UBE2R2: variants seen among roughly 807,000 people sequenced by gnomAD.
UBE2R2 encodes the protein ubiquitin conjugating enzyme E2 R2.
Under a neutral mutation model 27.8 loss-of-function variants are expected in UBE2R2, and 1 was observed. The observed-to-expected ratio is 0.04, with a 90% CI of 0.01 to 0.17. The LOEUF (loss-of-function observed/expected upper bound fraction) is 0.17. UBE2R2 is among the 10% of genes least tolerant of loss of function. The probability of loss-of-function intolerance (pLI) is 1.00; values close to 1 mark genes in which losing one functional copy is unlikely to be tolerated. For synonymous variants in UBE2R2, 106 were observed against 113.3 expected (o/e 0.94, Z 0.41); for missense variants, 100 against 291.0 (o/e 0.34, Z 4.78).
chr9:33,885,978 G>T (rs1223630728), intron 1 of UBE2R2, among the ~76,000 whole-genome samples: 2 of 152,106 alleles, frequency 1.3e-5, no homozygotes, highest in Non-Finnish European at 2.9e-5. Flanking sequence ...GGTTCATGTA[G>T]GTATACATTT....
intron 1 of UBE2R2, among the ~76,000 whole-genome samples, chr9:33,879,471 T>C (rs370888067): frequency 6.6e-6 from 1 of 152,310 alleles, no homozygotes; most frequent in South Asian, 2.1e-4. Context: ...GACTTTTTTC[T>C]GAGACAGGGT....
Position 33,859,799 on chromosome 9 carries a change from T to TGTGTGTGAGA in UBE2R2, c.178-27081_178-27080insTGTGTGAGAG, listed in dbSNP as rs766779268. Reference sequence around the variant, plus strand: ...GTGTGTGTGTGTGTGTGTGTGTGTGTGAGAGAGAGAGAGAGAGAGAGAGAC... The same window carrying TGTGTGTGAGA: ...GTGTGTGTGTGTGTGTGTGTGTGTGTGTGTGTGAGAGAGAGAGAGAGAGAGAGAGAGAGAC... On this transcript the variant is annotated intron_variant, in intron 1 of 4. Transcript: ENST00000263228. Among the ~76,000 whole-genome samples the TGTGTGTGAGA allele has an allele frequency of 4.5e-3, 393 of 86,550 alleles. 1 individual carries two copies. Among genetic ancestry groups the TGTGTGTGAGA allele is most frequent in the Non-Finnish European group, 7.6e-3 (318 of 41,690 alleles). The allele number at this position is 86,550 out of a possible 152,430, so 56.8% of individuals were successfully genotyped here. A position where few individuals can be genotyped will look rare whatever the true frequency, so the allele number is the denominator to read the frequency against.
At chr9:33,831,959 C>A (rs927649796) in intron 1 of UBE2R2, among the ~76,000 whole-genome samples, 1 of 151,940 alleles carries the variant, frequency 6.6e-6, no homozygotes, top group Admixed American at 6.6e-5. Context: ...CCGCGCCCGA[C>A]CTGTGACCCA....
chr9:33,905,537 T>C (rs1486451733), intron 3 of UBE2R2, among the ~76,000 whole-genome samples: 2 of 152,236 alleles, frequency 1.3e-5, no homozygotes, highest in African/African-American at 4.8e-5. Context: ...GTTGTATTCC[T>C]ACCTTGCATT....
At chr9:33,836,206 A>G (rs976956646) in intron 1 of UBE2R2, among the ~76,000 whole-genome samples, 7 of 152,120 alleles carry the variant, frequency 4.6e-5, no homozygotes, top group African/African-American at 1.7e-4. Flanking sequence ...CTCACCTACA[A>G]TATTCAGTAT....
At chr9:33,884,798 A>G (rs1027905114) in intron 1 of UBE2R2, among the ~76,000 whole-genome samples, 1 of 151,526 alleles carries the variant, frequency 6.6e-6, no homozygotes, top group South Asian at 2.1e-4. Flanking sequence ...TATGGACCAT[A>G]CTTTGTTCAT....
chr9:33,909,853 GA>G (rs1822445687), intron 3 of UBE2R2, among the ~76,000 whole-genome samples: 1 of 152,292 alleles, frequency 6.6e-6, no homozygotes, highest in East Asian at 1.9e-4. Context: ...TGTTTTCTTT[GA>G]AAATGCCTTT....
intron 1 of UBE2R2, among the ~76,000 whole-genome samples, chr9:33,843,943 A>G (rs1005646814): frequency 7.9e-5 from 12 of 152,194 alleles, no homozygotes; most frequent in Admixed American, 2.0e-4. Flanking sequence ...AAATCTATTA[A>G]GAGGTATTAT....
chr9:33,902,679 A>G (rs1343857092), intron 3 of UBE2R2, among the ~76,000 whole-genome samples: 1 of 152,208 alleles, frequency 6.6e-6, no homozygotes, highest in Non-Finnish European at 1.5e-5. Flanking sequence ...AATTGTTTTG[A>G]GCTGTTTTTG....
intron 3 of UBE2R2, among the ~76,000 whole-genome samples, chr9:33,911,402 C>CAAAAAAAAAAAAAAAAAAAAA (rs60526576): frequency 3.8e-5 from 2 of 53,202 alleles, no homozygotes; most frequent in Non-Finnish European, 3.2e-5. Context: ...AACTCCATCT[C>CAAAAAAAAAAAAAAAAAAAAA]AAAAAAAAAA....
chr9:33,914,784 G>A (rs1185477533), intron 4 of UBE2R2, among the ~76,000 whole-genome samples: 15 of 150,942 alleles, frequency 9.9e-5, no homozygotes, highest in African/African-American at 2.9e-4. Context: ...AGCTGAGATC[G>A]CGCCACTGCA....
At chr9:33,851,318 T>C (rs1728831248) in intron 1 of UBE2R2, among the ~76,000 whole-genome samples, 1 of 152,222 alleles carries the variant, frequency 6.6e-6, no homozygotes. Context: ...GCATTCCACA[T>C]CATTATAATT....
upstream of UBE2R2, among the ~76,000 whole-genome samples, chr9:33,815,779 C>T (rs970623909): frequency 6.6e-6 from 1 of 152,168 alleles, no homozygotes; most frequent in African/African-American, 2.4e-5. Flanking sequence ...ATCCAGAATA[C>T]AGCTATGCCT....
intron 2 of UBE2R2, among the ~76,000 whole-genome samples, chr9:33,891,033 TTTG>T (rs1407096989): frequency 4.1e-5 from 6 of 146,718 alleles, no homozygotes; most frequent in Non-Finnish European, 9.0e-5. Context: ...TGTCATGTTT[TTTG>T]TTGTTGTTGT....
intron 1 of UBE2R2, among the ~76,000 whole-genome samples, chr9:33,845,691 C>T (rs1820828675): frequency 6.6e-6 from 1 of 152,098 alleles, no homozygotes; most frequent in African/African-American, 2.4e-5. Context: ...TGAAGAAATT[C>T]TACTGTGATA....
intron 1 of UBE2R2, among the ~76,000 whole-genome samples, chr9:33,845,372 G>A (rs1010342803): frequency 3.3e-5 from 5 of 151,202 alleles, no homozygotes; most frequent in African/African-American, 7.3e-5. Context: ...TCAGCCTCCC[G>A]AGTAGCTGTG....
rs549662010 is a variant in UBE2R2, at chr9:33,877,571, A to G, written c.178-9310A>G. On this transcript the variant is annotated intron_variant, in intron 1 of 4. Coordinates refer to ENST00000263228, the MANE Select transcript of UBE2R2 (RefSeq NM_017811.4). ...TGCTTAGAGAAAATACAGAAACCCC[A>G]TTAATACTACTAACCAATATTTATT... Among the ~76,000 whole-genome samples, 41 of 152,332 alleles carry G rather than the reference A, an allele frequency of 2.7e-4. 1 individual carries two copies. Among genetic ancestry groups the G allele is most frequent in the African/African-American group, 9.4e-4 (39 of 41,570 alleles).
In UBE2R2 at chr9:33,917,994, A is replaced by C. The variant is rs553802448; in HGVS notation, c.*757A>C. ...AATATTCATACTTTCCATAGAACTG[A>C]GCACTTGGTTGCTATTTATTTTAAA... On this transcript the variant is annotated 3_prime_UTR_variant, in exon 5 of 5. Transcript: ENST00000263228. 6.5e-6 allele frequency: 1 copy of C among 153,846 alleles called. No homozygotes were observed. Among genetic ancestry groups the C allele is most frequent in the South Asian group, 2.1e-4 (1 of 4,824 alleles). 9.5% of individuals were successfully genotyped at this position (153,846 alleles called of 1,614,324 possible). A position where few individuals can be genotyped will look rare whatever the true frequency, so the allele number is the denominator to read the frequency against.
chr9:33,886,673 A>C (rs1006102821), intron 1 of UBE2R2, among the ~76,000 whole-genome samples: 1 of 149,740 alleles, frequency 6.7e-6, no homozygotes, highest in Admixed American at 6.7e-5. Context: ...AAAAAAAAAA[A>C]GGCTTTTATA....
Sources: allele counts gnomAD v4.1 joint callset (sites outside exome capture counted in the v4.1 genomes callset), GRCh38; gene constraint gnomAD v4.1.1; transcripts MANE v1.5; gene names NCBI Gene and HGNC (gene_info 2026-07-23, HGNC 2026-07-21).